STK38: variants seen among roughly 807,000 people sequenced by gnomAD.
STK38 encodes serine/threonine kinase 38.
Under a neutral mutation model 59.0 loss-of-function variants are expected in STK38, and 26 were observed. That is an observed-to-expected ratio of 0.44 (90% CI 0.32 to 0.61). The LOEUF (loss-of-function observed/expected upper bound fraction) is 0.61. Ranked by LOEUF, STK38 falls within the 20% of genes least tolerant of loss-of-function variation. The probability of loss-of-function intolerance (pLI) is 0.04; values close to 1 mark genes in which losing one functional copy is unlikely to be tolerated. For missense variants in STK38, 433 were observed against 566.0 expected (o/e 0.76, Z 2.38); for synonymous variants, 175 against 176.6 (o/e 0.99, Z 0.07).
chr6:36,497,913 G>C, intron 11 of STK38, 38 bp from the exon 12 acceptor site: 1 of 1,315,208 alleles, frequency 7.6e-7, no homozygotes, highest in South Asian at 1.3e-5. Flanking sequence ...ATCTCAAGCA[G>C]TCTCCTCAGA....
At chr6:36,527,788 G>C (rs759904438) in intron 2 of STK38, among the ~76,000 whole-genome samples, 4 of 151,912 alleles carry the variant, frequency 2.6e-5, no homozygotes, top group Non-Finnish European at 5.9e-5. Flanking sequence ...TGTACAAACA[G>C]AGCAAAGAAG....
chr6:36,522,639 C>T (rs1179172437), intron 4 of STK38: 1 of 152,056 alleles, frequency 6.6e-6, no homozygotes, highest in East Asian at 1.9e-4. Flanking sequence ...GGTGGATCAC[C>T]TGAGGTCCAG....
At chr6:36,539,448 A>G (rs1197161339) in intron 2 of STK38, among the ~76,000 whole-genome samples, 2 of 152,142 alleles carry the variant, frequency 1.3e-5, no homozygotes, top group Admixed American at 1.3e-4. Context: ...ACACCAGATC[A>G]GTAATAACAA....
At chr6:36,531,392 G>A (rs765780477) in intron 2 of STK38, among the ~76,000 whole-genome samples, 12 of 152,172 alleles carry the variant, frequency 7.9e-5, no homozygotes, top group Non-Finnish European at 1.3e-4. Flanking sequence ...AACTGAAAAT[G>A]TTTTGTAAAA....
At position 36,506,793 on chromosome 6, in the gene STK38, T is replaced by G. The variant is rs921573464; in HGVS notation, c.773-149A>C. The G allele has an allele frequency of 3.4e-5, 23 of 679,234 alleles. No homozygotes were observed. The South Asian group carries it at 3.9e-4, about 11-fold the overall frequency. 42.1% of individuals were successfully genotyped at this position (679,234 alleles called of 1,614,324 possible). ...AAGCTCCAGATGATACATATCCTAG[T>G]ACGTTTACAGTAAACCCAAATCAGA... On this transcript the variant is annotated intron_variant, in intron 8 of 13. Coordinates refer to ENST00000229812, the MANE Select transcript of STK38 (RefSeq NM_007271.4).
rs751207829 is a variant in STK38, at chr6:36,517,651, C to T, written c.514+66G>A. The T allele has an allele frequency of 2.1e-4, 332 of 1,584,128 alleles. 1 individual carries two copies. Among genetic ancestry groups the T allele is most frequent in the Non-Finnish European group, 2.6e-4 (307 of 1,164,534 alleles). On this transcript the variant is annotated intron_variant, in intron 6 of 13. Transcript: ENST00000229812. ...TTTAAAAGTAGAAAGGAGGGTTAAT[C>T]GTGATGTGAGAGAAAGAAACCACAG...
intron 4 of STK38, among the ~76,000 whole-genome samples, chr6:36,523,926 G>A (rs1777446254): frequency 6.6e-6 from 1 of 152,134 alleles, no homozygotes; most frequent in South Asian, 2.1e-4. Context: ...TTGAGTTCAG[G>A]AAGTAGAGCC....
intron 13 of STK38, among the ~76,000 whole-genome samples, chr6:36,496,274 C>A (rs1427286415): frequency 6.6e-6 from 1 of 152,032 alleles, no homozygotes; most frequent in East Asian, 1.9e-4. Context: ...GATCTCTTGA[C>A]CTTGTGATCT....
At chr6:36,520,076 T>A (rs1777344633) in intron 5 of STK38, among the ~76,000 whole-genome samples, 1 of 152,312 alleles carries the variant, frequency 6.6e-6, no homozygotes. Flanking sequence ...ATCTTTTATC[T>A]AGCACAAAAC....
At chr6:36,511,039 T>A (rs1344741567) in intron 7 of STK38, among the ~76,000 whole-genome samples, 2 of 152,022 alleles carry the variant, frequency 1.3e-5, no homozygotes, top group Non-Finnish European at 2.9e-5. Context: ...TAAGAGGGAA[T>A]CCTGATGCTC....
At chr6:36,521,498 G>A (rs1777374685) in intron 5 of STK38, among the ~76,000 whole-genome samples, 1 of 152,008 alleles carries the variant, frequency 6.6e-6, no homozygotes, top group Admixed American at 6.5e-5. Context: ...AGTAAGAGCT[G>A]CTTTTGGAAC....
chr6:36,545,353 A>C (rs1778034147), intron 1 of STK38, among the ~76,000 whole-genome samples: 1 of 151,856 alleles, frequency 6.6e-6, no homozygotes, highest in South Asian at 2.1e-4. Flanking sequence ...ATATATCAAA[A>C]ATGCTTTGAC....
At chr6:36,499,558 A>G (rs531759469) in intron 10 of STK38, among the ~76,000 whole-genome samples, 2 of 152,366 alleles carry the variant, frequency 1.3e-5, no homozygotes, top group African/African-American at 4.8e-5. Context: ...GGCAATGCCC[A>G]GTTGAAGTGC....
chr6:36,528,537 C>G (rs559030678), intron 2 of STK38, among the ~76,000 whole-genome samples: 10 of 151,936 alleles, frequency 6.6e-5, no homozygotes, highest in Non-Finnish European at 1.5e-5. Flanking sequence ...GAGAGGAACA[C>G]GAACAGTTCT....
rs1167832369 is a variant in STK38 at position 36,496,699 on chromosome 6, T to G, written c.1267+12A>C. 1 of 1,598,390 alleles carries G rather than the reference T, an allele frequency of 6.3e-7. No individual in the cohort carries two copies. Among genetic ancestry groups the G allele is most frequent in the African/African-American group, 1.3e-5 (1 of 74,578 alleles). On this transcript the variant is annotated intron_variant, in intron 13 of 13. Coordinates refer to ENST00000229812, the MANE Select transcript of STK38 (RefSeq NM_007271.4). ...CTTATAAGGCAGCAGGAGACAATGC[T>G]GGTGGTGTTACCTGTTGGCTTAAGA...
intron 5 of STK38, among the ~76,000 whole-genome samples, chr6:36,520,585 T>G (rs372099056): frequency 1.2e-4 from 18 of 152,324 alleles, no homozygotes; most frequent in African/African-American, 4.1e-4. Context: ...TTCTCAAGAT[T>G]AACTGAAACT....
chr6:36,514,403 A>G (rs1237695983), intron 7 of STK38, among the ~76,000 whole-genome samples: 1 of 152,156 alleles, frequency 6.6e-6, no homozygotes, highest in Non-Finnish European at 1.5e-5. Flanking sequence ...CTAGAAAATA[A>G]ATTTACTTTT....
chr6:36,533,095 A>C, intron 2 of STK38, among the ~76,000 whole-genome samples: 1 of 151,552 alleles, frequency 6.6e-6, no homozygotes. Context: ...GGTACACAAC[A>C]AAAAAAGATC....
intron 4 of STK38, among the ~76,000 whole-genome samples, chr6:36,523,453 A>C (rs575301116): frequency 5.1e-4 from 78 of 151,560 alleles, no homozygotes; most frequent in African/African-American, 1.8e-3. Context: ...AGTAGAGACA[A>C]GGTTTCACCA....
Sources: gnomAD v4.1 joint callset for allele counts (sites outside exome capture counted in the v4.1 genomes callset) on GRCh38, gnomAD v4.1.1 for gene constraint, MANE v1.5 for transcripts, NCBI Gene and HGNC (gene_info 2026-07-23, HGNC 2026-07-21) for gene names.